LYPD6B: variants seen among roughly 807,000 people sequenced by gnomAD.
LYPD6B encodes ly6/PLAUR domain-containing protein 6B.
A neutral mutation model predicts 22.8 loss-of-function variants in LYPD6B; 17 were observed. The observed-to-expected ratio is 0.75, with a 90% confidence interval of 0.51 to 1.12. The LOEUF (loss-of-function observed/expected upper bound fraction) is 1.12, where lower values mean the gene tolerates loss of function less well. LYPD6B is among the 50% of genes most tolerant of loss of function. LYPD6B has a pLI of 0.00. For missense variants in LYPD6B, 221 were observed against 258.3 expected (o/e 0.86, Z 0.99); for synonymous variants, 106 against 91.6 (o/e 1.16, Z -0.90).
intron 3 of LYPD6B, among the ~76,000 whole-genome samples, chr2:149,196,264 A>G (rs1452911911): frequency 1.3e-5 from 2 of 152,216 alleles, no homozygotes; most frequent in Non-Finnish European, 2.9e-5. Flanking sequence ...TGCTTTTATA[A>G]GCTTGTCAGC....
At chr2:149,095,094 G>A (rs1358117690) in intron 1 of LYPD6B, among the ~76,000 whole-genome samples, 2 of 152,054 alleles carry the variant, frequency 1.3e-5, no homozygotes, top group Non-Finnish European at 2.9e-5. Flanking sequence ...TCAGGAGTTC[G>A]TAACCAGCCT....
At position 149,213,365 on chromosome 2, in the gene LYPD6B, T is replaced by C. The variant is rs185731184; in HGVS notation, c.459+243T>C. Reference sequence around the variant, plus strand: ...CCAAAGAACAGACTCCATACAAAGATAAAATGGAGACCAAAGAACAGAGAC... The same window carrying C: ...CCAAAGAACAGACTCCATACAAAGACAAAATGGAGACCAAAGAACAGAGAC... On this transcript the variant is annotated intron_variant, in intron 6 of 6. Transcript: ENST00000409642. 2.6e-5 allele frequency among the ~76,000 whole-genome samples: 4 copies of C among 151,746 alleles called. No individual in the cohort carries two copies. The East Asian group carries it at 5.8e-4, about 22-fold the overall frequency.
intron 1 of LYPD6B, among the ~76,000 whole-genome samples, chr2:149,090,811 A>G (rs538748298): frequency 6.6e-6 from 1 of 152,320 alleles, no homozygotes; most frequent in Admixed American, 6.5e-5. Flanking sequence ...ACAGATTTCT[A>G]CTAAGTGACA....
intron 1 of LYPD6B, among the ~76,000 whole-genome samples, chr2:149,124,106 A>G (rs369913898): frequency 6.6e-6 from 1 of 152,188 alleles, no homozygotes; most frequent in South Asian, 2.1e-4. Flanking sequence ...CTGAACTCTC[A>G]TAGATATTTA....
chr2:149,147,938 G>A (rs1421131626), intron 2 of LYPD6B, among the ~76,000 whole-genome samples: 1 of 151,810 alleles, frequency 6.6e-6, no homozygotes, highest in Non-Finnish European at 1.5e-5. Context: ...GTGTGTGTGT[G>A]TGTATAGTCA....
chr2:149,056,261 A>G (rs1304040079), intron 1 of LYPD6B, among the ~76,000 whole-genome samples: 1 of 152,190 alleles, frequency 6.6e-6, no homozygotes, highest in Non-Finnish European at 1.5e-5. Context: ...TGCCCACTGT[A>G]TGCTTCAGGT....
intron 1 of LYPD6B, among the ~76,000 whole-genome samples, chr2:149,061,369 T>A (rs1251887296): frequency 6.6e-6 from 1 of 152,154 alleles, no homozygotes; most frequent in South Asian, 2.1e-4. Context: ...AATGTTTAGA[T>A]TTAGTAATAA....
intron 1 of LYPD6B, among the ~76,000 whole-genome samples, chr2:149,096,344 G>A (rs1685904220): frequency 6.6e-6 from 1 of 152,174 alleles, no homozygotes; most frequent in Non-Finnish European, 1.5e-5. Context: ...ATGTGTTTGT[G>A]ATGGCGTGAG....
chr2:149,077,838 A>G (rs1240713583), intron 1 of LYPD6B, among the ~76,000 whole-genome samples: 4 of 152,200 alleles, frequency 2.6e-5, no homozygotes, highest in Non-Finnish European at 5.9e-5. Flanking sequence ...ACTGGCATCT[A>G]TTCTTCCAAT....
intron 2 of LYPD6B, among the ~76,000 whole-genome samples, chr2:149,134,997 C>A (rs775679356): frequency 6.6e-6 from 1 of 152,206 alleles, no homozygotes; most frequent in East Asian, 1.9e-4. Flanking sequence ...GTAATCCCAG[C>A]ACTTTGGGAG....
At chr2:149,082,273 G>A (rs1685171671) in intron 1 of LYPD6B, among the ~76,000 whole-genome samples, 1 of 152,210 alleles carries the variant, frequency 6.6e-6, no homozygotes, top group Non-Finnish European at 1.5e-5. Context: ...CAAAATGGCC[G>A]ATTAGGGAGG....
chr2:149,076,855 G>A (rs1390823590), intron 1 of LYPD6B, among the ~76,000 whole-genome samples: 1 of 152,176 alleles, frequency 6.6e-6, no homozygotes, highest in African/African-American at 2.4e-5. Flanking sequence ...TGTTATGAAT[G>A]TTTTAAACCT....
chr2:149,135,021 G>A (rs1207791526), intron 2 of LYPD6B, among the ~76,000 whole-genome samples: 2 of 152,146 alleles, frequency 1.3e-5, no homozygotes, highest in Non-Finnish European at 2.9e-5. Context: ...GAGGCAGGTG[G>A]ATCACTTGAG....
At chr2:149,062,860 CTTTTTTTTTTTT>C (rs5835285) in intron 1 of LYPD6B, among the ~76,000 whole-genome samples, 2 of 93,560 alleles carry the variant, frequency 2.1e-5, no homozygotes, top group African/African-American at 8.0e-5. Context: ...GATACATGTT[CTTTTTTTTTTTT>C]TTTTTTTTTT....
intron 3 of LYPD6B, chr2:149,200,674 G>T (rs562827767): frequency 2.0e-5 from 3 of 152,296 alleles, no homozygotes; most frequent in African/African-American, 7.2e-5. Context: ...CTCAGACTTG[G>T]GAAATAGTCA....
intron 5 of LYPD6B, among the ~76,000 whole-genome samples, chr2:149,211,351 G>A (rs1007212973): frequency 6.6e-6 from 1 of 152,140 alleles, no homozygotes; most frequent in Non-Finnish European, 1.5e-5. Context: ...CTGGTTAAGA[G>A]TGCAAGCCCT....
intron 2 of LYPD6B, among the ~76,000 whole-genome samples, chr2:149,137,740 AC>A (rs1688454332): frequency 6.6e-6 from 1 of 152,232 alleles, no homozygotes. Context: ...ACACATCTGT[AC>A]TATAAATAAG....
chr2:149,134,843 G>T (rs575082391), intron 2 of LYPD6B, among the ~76,000 whole-genome samples: 1 of 152,296 alleles, frequency 6.6e-6, no homozygotes, highest in South Asian at 2.1e-4. Context: ...ACAAAGAGTA[G>T]CGAGGCATGC....
intron 2 of LYPD6B, among the ~76,000 whole-genome samples, chr2:149,150,759 T>C (rs536022405): frequency 6.6e-6 from 1 of 152,216 alleles, no homozygotes; most frequent in East Asian, 1.9e-4. Flanking sequence ...ATTTGATTAT[T>C]TCTTTCCTTG....
Sources: gnomAD v4.1 joint callset for allele counts (sites outside exome capture counted in the v4.1 genomes callset) on GRCh38, gnomAD v4.1.1 for gene constraint, MANE v1.5 for transcripts, NCBI Gene and HGNC (gene_info 2026-07-23, HGNC 2026-07-21) for gene names.